Variants in KRABD1 observed in about 807,000 individuals in gnomAD.
KRABD1 encodes KRAB domain-containing protein 1.
the KRABD1 span, chr3:42,936,940 C>T: frequency 6.6e-6 from 1 of 151,996 alleles, no homozygotes; most frequent in Non-Finnish European, 1.5e-5. Context: ...TTGAGAATAC[C>T]GAATTGTATT....
the KRABD1 span, chr3:42,941,316 G>A: frequency 6.2e-7 from 1 of 1,600,168 alleles, no homozygotes; most frequent in South Asian, 1.1e-5. Context: ...GTACAGGGAT[G>A]TGATGCTGGA....
chr3:42,942,424 A>G, the KRABD1 span: 1 of 426,434 alleles, frequency 2.3e-6, no homozygotes, highest in Non-Finnish European at 4.1e-6. Context: ...CAACAGAACA[A>G]GTAGAAAAAT....
the KRABD1 span, among the ~76,000 whole-genome samples, chr3:42,940,599 A>G: frequency 2.6e-5 from 4 of 152,170 alleles, no homozygotes; most frequent in Admixed American, 6.6e-5. Flanking sequence ...TTTTAGGCCT[A>G]TCTTGAGCCT....
the KRABD1 span, among the ~76,000 whole-genome samples, chr3:42,939,151 T>G: frequency 6.6e-6 from 1 of 152,150 alleles, no homozygotes; most frequent in Non-Finnish European, 1.5e-5. Flanking sequence ...TGTACACTTG[T>G]ATGACCTCAC....
At chr3:42,941,292 G>GC in the KRABD1 span, 1 of 1,597,690 alleles carries the variant, frequency 6.3e-7, no homozygotes, top group Non-Finnish European at 8.5e-7. Flanking sequence ...CATGGTGCCT[G>GC]CCGAGAGGGC....
the KRABD1 span, chr3:42,938,999 T>C: frequency 1.3e-5 from 15 of 1,140,212 alleles, no homozygotes; most frequent in South Asian, 2.1e-4. Flanking sequence ...ATTAGATACA[T>C]ACATAAAAAT....
the KRABD1 span, chr3:42,938,926 C>T: frequency 6.5e-7 from 1 of 1,531,172 alleles, no homozygotes; most frequent in Non-Finnish European, 8.7e-7. Flanking sequence ...AACAACCAGG[C>T]CCCAGGTGAG....
At chr3:42,941,397 A>G in the KRABD1 span, 22 of 1,520,130 alleles carry the variant, frequency 1.4e-5, no homozygotes, top group Non-Finnish European at 1.8e-5. Flanking sequence ...CCTCAGGTTG[A>G]AGGGCTCTTT....
the KRABD1 span, chr3:42,942,205 C>T: frequency 1.5e-5 from 10 of 673,898 alleles, no homozygotes; most frequent in African/African-American, 7.1e-5. Context: ...TTTTTCTGAC[C>T]GGTGTGTTAT....
At chr3:42,941,298 A>G in the KRABD1 span, 11 of 1,599,290 alleles carry the variant, frequency 6.9e-6, no homozygotes, top group African/African-American at 1.5e-4. Flanking sequence ...GCCTGCCGAG[A>G]GGGCCTTGTA....
the KRABD1 span, chr3:42,942,028 A>C: frequency 6.5e-7 from 1 of 1,536,064 alleles, no homozygotes; most frequent in Non-Finnish European, 8.7e-7. Context: ...TCACCCAGCC[A>C]CAGGGAGTCC....
chr3:42,941,838 G>A, the KRABD1 span: 35 of 673,810 alleles, frequency 5.2e-5, no homozygotes, highest in South Asian at 1.7e-4. Context: ...GGTACCTCTC[G>A]TATAGCTCAC....
the KRABD1 span, among the ~76,000 whole-genome samples, chr3:42,939,274 A>G: frequency 3.9e-5 from 6 of 152,166 alleles, no homozygotes; most frequent in Non-Finnish European, 8.8e-5. Context: ...CTGTTACCAT[A>G]GGAAAGTTTT....
the KRABD1 span, chr3:42,936,855 G>C: frequency 6.6e-6 from 1 of 152,088 alleles, no homozygotes; most frequent in Non-Finnish European, 1.5e-5. Context: ...AAAATCAGTT[G>C]GTGATCAGTT....
chr3:42,937,252 G>A, the KRABD1 span: 1 of 152,124 alleles, frequency 6.6e-6, no homozygotes, highest in African/African-American at 2.4e-5. Flanking sequence ...AACTATGTTG[G>A]GAGTGTGATT....
At chr3:42,941,459 A>G in the KRABD1 span, 16 of 1,229,488 alleles carry the variant, frequency 1.3e-5, no homozygotes, top group African/African-American at 3.0e-5. Flanking sequence ...CCAGGTATAG[A>G]AAGCCCTGGT....
the KRABD1 span, chr3:42,942,732 T>A: frequency 2.2e-6 from 1 of 445,702 alleles, no homozygotes; most frequent in African/African-American, 2.0e-5. Context: ...ATTTTCTTTT[T>A]CTGTAGACTG....
At chr3:42,937,135 C>T in the KRABD1 span, 1 of 152,284 alleles carries the variant, frequency 6.6e-6, no homozygotes, top group South Asian at 2.1e-4. Context: ...GACCTCTTAA[C>T]ATTGTTCATT....
the KRABD1 span, chr3:42,938,626 A>G: frequency 1.1e-4 from 37 of 343,588 alleles, no homozygotes; most frequent in Non-Finnish European, 1.8e-4. Flanking sequence ...AGCTGAAATT[A>G]TAGTTTTCTC....
Sources: allele counts gnomAD v4.1 joint callset (sites outside exome capture counted in the v4.1 genomes callset), GRCh38; gene constraint gnomAD v4.1.1; transcripts MANE v1.5; gene names NCBI Gene and HGNC (gene_info 2026-07-23, HGNC 2026-07-21).